Variants in PHKB observed in about 807,000 individuals in gnomAD.
PHKB encodes the protein phosphorylase b kinase regulatory subunit beta.
A neutral mutation model predicts 152.1 loss-of-function variants in PHKB; 122 were observed. The observed-to-expected ratio is 0.80, with a 90% CI of 0.69 to 0.93. The LOEUF is 0.93. Ranked by LOEUF, PHKB falls within the 40% of genes least tolerant of loss-of-function variation. PHKB has a pLI of 0.00. For missense variants in PHKB, 1,304 were observed against 1,328.4 expected (o/e 0.98, Z 0.29); for synonymous variants, 436 against 464.9 (o/e 0.94, Z 0.80).
intron 7 of PHKB, among the ~76,000 whole-genome samples, chr16:47,567,042 T>A (rs570772055): frequency 6.7e-6 from 1 of 149,132 alleles, no homozygotes; most frequent in African/African-American, 2.6e-5. Context: ...CCAGATTTCT[T>A]CTTTTTGCTT....
At position 47,677,010 on chromosome 16, in the gene PHKB, C is replaced by T. The variant is rs116611515; in HGVS notation, c.2630+7593C>T. Among the ~76,000 whole-genome samples, 1,286 of 152,292 alleles carry T rather than the reference C, an allele frequency of 8.4e-3. 23 individuals are homozygous for T. Among genetic ancestry groups the T allele is most frequent in the African/African-American group, 0.029 (1,213 of 41,550 alleles). ...TACCTTGTCCTCTGATGCCCAAAAC[C>T]GTATCTGTGGATCACACATCCGAAG... On this transcript the variant is annotated intron_variant, in intron 26 of 30. Coordinates refer to ENST00000323584, the MANE Select transcript of PHKB (RefSeq NM_000293.3).
chr16:47,635,355 G>A (rs1972900507), intron 14 of PHKB, among the ~76,000 whole-genome samples: 1 of 152,132 alleles, frequency 6.6e-6, no homozygotes, highest in Non-Finnish European at 1.5e-5. Flanking sequence ...TAATAGGGGT[G>A]TTTAAGAGTA....
chr16:47,675,373 G>C (rs1243009222), intron 26 of PHKB, among the ~76,000 whole-genome samples: 1 of 152,054 alleles, frequency 6.6e-6, no homozygotes, highest in East Asian at 1.9e-4. Context: ...TGTGGTATTT[G>C]ATAATTTGAG....
chr16:47,574,735 T>G (rs1597096441), intron 7 of PHKB, among the ~76,000 whole-genome samples: 1 of 152,088 alleles, frequency 6.6e-6, no homozygotes, highest in Non-Finnish European at 1.5e-5. Context: ...CTCAATCCCA[T>G]GGGAATGACA....
rs144661467 is a variant in PHKB at position 47,663,159 on chromosome 16, T to C, written c.2279-518T>C. Among the ~76,000 whole-genome samples the C allele has an allele frequency of 7.6e-3, 1,153 of 152,254 alleles. 19 individuals are homozygous for C. The highest frequency in any genetic ancestry group is 0.026 in the African/African-American group (1,091 of 41,564). ...CTTTTTGGCGCTCTTTCCTGTCACA[T>C]TGTGATTTTACGGGCAAAATCAGTG... On this transcript the variant is annotated intron_variant, in intron 23 of 30. Coordinates refer to ENST00000323584, the MANE Select transcript of PHKB (RefSeq NM_000293.3).
chr16:47,555,910 T>C (rs1971360534), intron 7 of PHKB, among the ~76,000 whole-genome samples: 1 of 152,250 alleles, frequency 6.6e-6, no homozygotes, highest in Non-Finnish European at 1.5e-5. Flanking sequence ...CCCATGAGCA[T>C]GGAATGTTCT....
In PHKB at chr16:47,617,534, A is replaced by G. The variant is rs928778367; in HGVS notation, c.1458+6614A>G. ...CTAGTTACCTCATATAAGTGGAATC[A>G]TGCCATATTTGTCTTTCTGCGTGTG... On this transcript the variant is annotated intron_variant, in intron 14 of 30. Transcript: ENST00000323584. 5.9e-5 allele frequency among the ~76,000 whole-genome samples: 9 copies of G among 152,068 alleles called. No homozygotes were observed. The East Asian group carries it at 1.5e-3, about 26-fold the overall frequency.
chr16:47,581,631 T>G (rs1971847879), intron 8 of PHKB, among the ~76,000 whole-genome samples: 1 of 152,246 alleles, frequency 6.6e-6, no homozygotes, highest in Non-Finnish European at 1.5e-5. Context: ...CATAGTGCTT[T>G]GCAGAGATTA....
At chr16:47,690,964 G>A (rs1974049543) in intron 27 of PHKB, among the ~76,000 whole-genome samples, 1 of 152,102 alleles carries the variant, frequency 6.6e-6, no homozygotes, top group South Asian at 2.1e-4. Context: ...TCAAGCTTGT[G>A]ATCCTAGCAC....
chr16:47,690,433 T>C (rs769738401), intron 27 of PHKB, among the ~76,000 whole-genome samples: 3 of 152,124 alleles, frequency 2.0e-5, no homozygotes, highest in Admixed American at 1.3e-4. Flanking sequence ...AACAACACTT[T>C]GTATGGCAAA....
chr16:47,531,229 T>C (rs1445521493), intron 6 of PHKB, among the ~76,000 whole-genome samples: 1 of 152,206 alleles, frequency 6.6e-6, no homozygotes, highest in Non-Finnish European at 1.5e-5. Flanking sequence ...ACCTCTTCAA[T>C]AAATGGATTT....
chr16:47,692,252 T>A (rs1974073675), intron 27 of PHKB, among the ~76,000 whole-genome samples: 1 of 152,206 alleles, frequency 6.6e-6, no homozygotes, highest in South Asian at 2.1e-4. Context: ...ATAGTGTTGG[T>A]CATGACATAT....
intron 26 of PHKB, among the ~76,000 whole-genome samples, chr16:47,669,833 C>T (rs1196788331): frequency 6.6e-6 from 1 of 152,130 alleles, no homozygotes; most frequent in Non-Finnish European, 1.5e-5. Flanking sequence ...TATTCTATAC[C>T]CATTTTCTAC....
At chr16:47,642,539 C>G (rs572519119) in intron 16 of PHKB, among the ~76,000 whole-genome samples, 11 of 152,244 alleles carry the variant, frequency 7.2e-5, no homozygotes, top group African/African-American at 2.6e-4. Flanking sequence ...TAGTAGAAGT[C>G]TTTGTAACAG....
chr16:47,699,203 G>C, intron 30 of PHKB, 26 bp from the exon 31 acceptor site: 1 of 1,612,282 alleles, frequency 6.2e-7, no homozygotes, highest in Non-Finnish European at 8.5e-7. Flanking sequence ...AAGATCGAAT[G>C]CCTTGCCTAC....
intron 8 of PHKB, 23 bp from the exon 9 acceptor site, chr16:47,587,645 T>C: frequency 1.3e-6 from 2 of 1,573,896 alleles, no homozygotes; most frequent in Non-Finnish European, 1.7e-6. Context: ...ATTTAGGAAA[T>C]GTTTTTCTTT....
chr16:47,586,276 ATCTTG>A (rs1321164354), intron 8 of PHKB, among the ~76,000 whole-genome samples: 2 of 152,070 alleles, frequency 1.3e-5, no homozygotes, highest in African/African-American at 4.8e-5. Context: ...GTCAAATTTG[ATCTTG>A]TCTGTTTTCC....
chr16:47,586,308 A>G (rs927956943), intron 8 of PHKB, among the ~76,000 whole-genome samples: 11 of 152,230 alleles, frequency 7.2e-5, no homozygotes, highest in African/African-American at 1.7e-4. Context: ...CAGAGTGCAC[A>G]GTACCTTGCC....
chr16:47,679,533 T>C (rs887200363), intron 26 of PHKB, among the ~76,000 whole-genome samples: 5 of 152,188 alleles, frequency 3.3e-5, no homozygotes, highest in Non-Finnish European at 7.4e-5. Flanking sequence ...TTTGAAGCAA[T>C]TGTGAATGGG....
Sources: allele counts gnomAD v4.1 joint callset (sites outside exome capture counted in the v4.1 genomes callset), GRCh38; gene constraint gnomAD v4.1.1; transcripts MANE v1.5; gene names NCBI Gene and HGNC (gene_info 2026-07-23, HGNC 2026-07-21).